The following BICC1 variants were observed in gnomAD, a reference collection of about 807,000 sequenced individuals.
BICC1 encodes protein bicaudal C homolog 1.
In BICC1, 43 loss-of-function variants were observed where a neutral mutation model predicts 111.0. The ratio of observed to expected loss-of-function variants is 0.39; its 90% CI spans 0.30 to 0.50. The LOEUF (loss-of-function observed/expected upper bound fraction) is 0.50. Ranked by LOEUF, BICC1 falls within the 20% of genes least tolerant of loss-of-function variation. The pLI is 0.88. For missense variants in BICC1, 1,091 were observed against 1,203.2 expected (o/e 0.91, Z 1.38); for synonymous variants, 467 against 434.4 (o/e 1.07, Z -0.93).
chr10:58,828,703 C>T (rs1844468424), intron 20 of BICC1, 58 bp from the exon 21 acceptor site: 1 of 1,567,758 alleles, frequency 6.4e-7, no homozygotes, highest in Admixed American at 1.7e-5. Context: ...GTGCCATGTC[C>T]TGTAGTATAC....
chr10:58,821,629 T>C (rs1844253233), intron 20 of BICC1, among the ~76,000 whole-genome samples: 2 of 152,116 alleles, frequency 1.3e-5, no homozygotes, highest in African/African-American at 4.8e-5. Flanking sequence ...AGTTCTACAC[T>C]CATCAGTTTT....
intron 1 of BICC1, among the ~76,000 whole-genome samples, chr10:58,515,561 T>C (rs557129005): frequency 6.6e-6 from 1 of 152,336 alleles, no homozygotes; most frequent in African/African-American, 2.4e-5. Context: ...ATGACATCAC[T>C]AGGCGATAGG....
At chr10:58,636,892 G>A (rs1360742859) in intron 2 of BICC1, among the ~76,000 whole-genome samples, 2 of 151,806 alleles carry the variant, frequency 1.3e-5, no homozygotes, top group Non-Finnish European at 2.9e-5. Context: ...TTGAGCAAAT[G>A]CGAGAGATGA....
At chr10:58,596,468 AAAACTGGAAGCATTCCCTTTG>A (rs1844816740) in intron 1 of BICC1, among the ~76,000 whole-genome samples, 1 of 152,218 alleles carries the variant, frequency 6.6e-6, no homozygotes, top group Non-Finnish European at 1.5e-5. Flanking sequence ...GTAAATGGGC[AAAACTGGAAGCATTCCCTTTG>A]AAAACCAGCA....
chr10:58,674,263 TC>T (rs1371516959), intron 2 of BICC1, among the ~76,000 whole-genome samples: 1 of 10,166 alleles, frequency 9.8e-5, no homozygotes, highest in Non-Finnish European at 7.5e-3. Context: ...GAAACTCAGA[TC>T]AAGTGTCAGT....
At chr10:58,716,218 A>G in intron 3 of BICC1, 1 of 1,505,886 alleles carries the variant, frequency 6.6e-7, no homozygotes, top group Non-Finnish European at 9.0e-7. Context: ...AGAAAAAACA[A>G]AAAAGAATAA....
chr10:58,618,999 G>T (rs567836373), intron 1 of BICC1, among the ~76,000 whole-genome samples: 1 of 136,486 alleles, frequency 7.3e-6, no homozygotes, highest in African/African-American at 2.8e-5. Flanking sequence ...GTCCTTTGTT[G>T]TCATGTATCC....
At chr10:58,591,269 G>A (rs2132040002) in intron 1 of BICC1, among the ~76,000 whole-genome samples, 1 of 151,988 alleles carries the variant, frequency 6.6e-6, no homozygotes, top group African/African-American at 2.4e-5. Context: ...ACTTTCTTTG[G>A]TCAAGACGGA....
chr10:58,611,638 GATTATT>G (rs368536375), intron 1 of BICC1, among the ~76,000 whole-genome samples: 6 of 151,298 alleles, frequency 4.0e-5, no homozygotes, highest in Admixed American at 4.0e-4. Context: ...ACCACTCCCA[GATTATT>G]ATTATTATTA....
At chr10:58,696,321 CT>C (rs1307881109) in intron 2 of BICC1, among the ~76,000 whole-genome samples, 2 of 151,862 alleles carry the variant, frequency 1.3e-5, no homozygotes, top group African/African-American at 4.8e-5. Context: ...GAAAAAAAAA[CT>C]TTTGCAGATG....
At chr10:58,671,043 C>G (rs985070700) in intron 2 of BICC1, among the ~76,000 whole-genome samples, 1 of 152,116 alleles carries the variant, frequency 6.6e-6, no homozygotes, top group African/African-American at 2.4e-5. Flanking sequence ...TTTTTCTTGT[C>G]TTTCTAACCA....
At chr10:58,569,624 G>A (rs1207086001) in intron 1 of BICC1, among the ~76,000 whole-genome samples, 1 of 152,122 alleles carries the variant, frequency 6.6e-6, no homozygotes, top group Admixed American at 6.6e-5. Context: ...TCCCACTTAC[G>A]AGTGAGAACA....
chr10:58,630,387 G>A (rs1435910896), intron 2 of BICC1, among the ~76,000 whole-genome samples: 1 of 152,146 alleles, frequency 6.6e-6, no homozygotes, highest in Non-Finnish European at 1.5e-5. Flanking sequence ...CCTACTTGGA[G>A]TTGGCACAGT....
chr10:58,664,495 A>G (rs558851650), intron 2 of BICC1, among the ~76,000 whole-genome samples: 2 of 152,236 alleles, frequency 1.3e-5, no homozygotes, highest in South Asian at 4.2e-4. Flanking sequence ...CATTTCAGAC[A>G]TTTTTCATTG....
At chr10:58,585,209 G>T (rs542249553) in intron 1 of BICC1, among the ~76,000 whole-genome samples, 143 of 152,206 alleles carry the variant, frequency 9.4e-4, no homozygotes, top group Non-Finnish European at 1.7e-3. Flanking sequence ...TTGAAAAGTT[G>T]TTTACTTTGG....
chr10:58,532,130 A>G (rs952930404), intron 1 of BICC1, among the ~76,000 whole-genome samples: 1 of 151,830 alleles, frequency 6.6e-6, no homozygotes, highest in Non-Finnish European at 1.5e-5. Context: ...GACACATTCT[A>G]GTCAACTTTC....
At chr10:58,513,419 A>C in intron 1 of BICC1, 86 bp downstream of exon 1, 1 of 1,292,132 alleles carries the variant, frequency 7.7e-7, no homozygotes, top group South Asian at 1.6e-5. Flanking sequence ...GGCGCCCGCT[A>C]CTCCAGCCTA....
intron 2 of BICC1, among the ~76,000 whole-genome samples, chr10:58,630,965 C>T (rs1181974004): frequency 6.6e-6 from 1 of 152,040 alleles, no homozygotes; most frequent in African/African-American, 2.4e-5. Context: ...CCATATATTA[C>T]ATATATACTA....
intron 17 of BICC1, among the ~76,000 whole-genome samples, chr10:58,810,436 A>G (rs1441421379): frequency 6.6e-6 from 1 of 152,092 alleles, no homozygotes; most frequent in Admixed American, 6.6e-5. Context: ...TTTAAGTGCT[A>G]CTAATGGAAA....
Sources: allele counts gnomAD v4.1 joint callset (sites outside exome capture counted in the v4.1 genomes callset), GRCh38; gene constraint gnomAD v4.1.1; transcripts MANE v1.5; gene names NCBI Gene and HGNC (gene_info 2026-07-23, HGNC 2026-07-21).